Variants in PLCG2 observed in about 807,000 individuals in gnomAD.
PLCG2 encodes the protein 1-phosphatidylinositol 4,5-bisphosphate phosphodiesterase gamma-2.
A neutral mutation model predicts 175.6 loss-of-function variants in PLCG2; 69 were observed. That is an observed-to-expected ratio of 0.39 (90% confidence interval 0.32 to 0.48). The LOEUF is 0.48. Among genes scored for constraint, PLCG2 ranks in the 20% least tolerant of loss-of-function variants. The probability of loss-of-function intolerance (pLI) is 0.91; values close to 1 mark genes in which losing one functional copy is unlikely to be tolerated. For missense variants in PLCG2, 1,798 were observed against 1,650.9 expected, an observed-to-expected ratio of 1.09 and a Z score of -1.54; for synonymous variants, 827 against 624.0, an observed-to-expected ratio of 1.33 and a Z score of -4.85.
chr16:81,776,974 G>A (rs940024052), upstream of PLCG2, among the ~76,000 whole-genome samples: 1 of 152,114 alleles, frequency 6.6e-6, no homozygotes, highest in African/African-American at 2.4e-5. Context: ...GTTGGGCTAG[G>A]GGTTGGTTAG....
At chr16:81,851,232 T>C (rs1017116048) in intron 2 of PLCG2, among the ~76,000 whole-genome samples, 1 of 152,390 alleles carries the variant, frequency 6.6e-6, no homozygotes, top group East Asian at 1.9e-4. Context: ...GTACAGTTTC[T>C]GTGAACCATT....
intron 2 of PLCG2, among the ~76,000 whole-genome samples, chr16:81,764,274 G>A (rs1910098589): frequency 6.6e-6 from 1 of 152,102 alleles, no homozygotes; most frequent in Non-Finnish European, 1.5e-5. Context: ...TGCACCCTGG[G>A]GGACAGAGTG....
chr16:81,885,053 A>T (rs113751215), intron 9 of PLCG2, among the ~76,000 whole-genome samples: 3 of 139,234 alleles, frequency 2.2e-5, no homozygotes, highest in Non-Finnish European at 3.2e-5. Context: ...ATGCCTGACA[A>T]TTTTTTTTTT....
intron 2 of PLCG2, among the ~76,000 whole-genome samples, chr16:81,795,033 A>G (rs1179686085): frequency 6.6e-6 from 1 of 152,220 alleles, no homozygotes; most frequent in East Asian, 1.9e-4. Flanking sequence ...CAACCTTAGA[A>G]TGTTCTTAGA....
intron 19 of PLCG2, among the ~76,000 whole-genome samples, chr16:81,913,216 G>T (rs977826822): frequency 6.6e-6 from 1 of 152,178 alleles, no homozygotes; most frequent in African/African-American, 2.4e-5. Context: ...CTAATGACAA[G>T]GAGCCGAGGA....
chr16:81,776,375 C>G (rs899829142), upstream of PLCG2, among the ~76,000 whole-genome samples: 2 of 151,926 alleles, frequency 1.3e-5, no homozygotes, highest in Non-Finnish European at 2.9e-5. Flanking sequence ...TCCCAGGGTG[C>G]TGGGATTACA....
chr16:81,810,794 T>G (rs981172072), intron 2 of PLCG2, among the ~76,000 whole-genome samples: 5 of 152,200 alleles, frequency 3.3e-5, no homozygotes, highest in African/African-American at 1.2e-4. Context: ...TGAGTTCTGA[T>G]AGAAGGAGAC....
chr16:81,811,694 T>C (rs537086384), intron 2 of PLCG2, among the ~76,000 whole-genome samples: 5 of 152,202 alleles, frequency 3.3e-5, no homozygotes, highest in East Asian at 1.9e-4. Flanking sequence ...GCAAAGGACA[T>C]GAGCTCATCC....
At chr16:81,763,189 G>A (rs1357799216) in intron 2 of PLCG2, among the ~76,000 whole-genome samples, 1 of 152,260 alleles carries the variant, frequency 6.6e-6, no homozygotes, top group Admixed American at 6.5e-5. Flanking sequence ...CCAGATGGGA[G>A]AACCCAGCCT....
In PLCG2 at chr16:81,962,049, G is replaced by T; in HGVS notation, c.*4051G>T. On this transcript the variant is annotated 3_prime_UTR_variant, in exon 33 of 33. Transcript: ENST00000564138. ...TCACCGCTCCATGTGCGTCCCTCCC[G>T]AAGCTGCGCGCTCCGTCGAAGAGGA... The T allele has an allele frequency of 5.3e-6, 1 of 189,648 alleles. No homozygotes were observed. 11.7% of individuals were successfully genotyped at this position (189,648 alleles called of 1,614,324 possible).
Position 81,959,225 on chromosome 16 carries a change from A to T in PLCG2, c.*1227A>T. ...AACGATGGCTGTGGTGGGGAAGAAC[A>T]AACCAGCAGTAAGCCTGATGTTTGA... On this transcript the variant is annotated 3_prime_UTR_variant, in exon 33 of 33. Transcript: ENST00000564138. 4.4e-6 allele frequency: 1 copy of T among 225,714 alleles called. No individual in the cohort carries two copies. Among genetic ancestry groups the T allele is most frequent in the Non-Finnish European group, 8.8e-6 (1 of 113,348 alleles). The allele number at this position is 225,714 out of a possible 1,614,324, so 14.0% of individuals were successfully genotyped here. A position where few individuals can be genotyped will look rare whatever the true frequency, so the allele number is the denominator to read the frequency against.
At chr16:81,953,256 TG>T (rs1911438776) in intron 31 of PLCG2, among the ~76,000 whole-genome samples, 1 of 152,176 alleles carries the variant, frequency 6.6e-6, no homozygotes, top group Non-Finnish European at 1.5e-5. Flanking sequence ...AGGAGACTGG[TG>T]GAAAACCCAG....
chr16:81,962,613 T>A lies in PLCG2; in HGVS notation c.*4615T>A. ...GAATTAAGTGAATGAGTCACACAGA[T>A]GTTGGCTGTTGTTAATGTGAAAATT... On this transcript the variant is annotated 3_prime_UTR_variant, in exon 33 of 33. Coordinates refer to ENST00000564138, the MANE Select transcript of PLCG2 (RefSeq NM_002661.5). The A allele has an allele frequency of 4.5e-6, 1 of 223,178 alleles. No individual in the cohort carries two copies. Among genetic ancestry groups the A allele is most frequent in the East Asian group, 6.5e-5 (1 of 15,284 alleles). The allele number at this position is 223,178 out of a possible 1,614,324, so 13.8% of individuals were successfully genotyped here.
upstream of PLCG2, among the ~76,000 whole-genome samples, chr16:81,778,070 AC>A (rs371210803): frequency 1.6e-4 from 8 of 51,320 alleles, no homozygotes; most frequent in Non-Finnish European, 1.8e-4. Context: ...AAAACCAAAA[AC>A]ACACACACAC....
chr16:81,824,715 C>T (rs1204910008), intron 2 of PLCG2, among the ~76,000 whole-genome samples: 1 of 152,202 alleles, frequency 6.6e-6, no homozygotes, highest in Non-Finnish European at 1.5e-5. Context: ...TGACCTCTGG[C>T]CTTTTTGTCC....
intron 2 of PLCG2, among the ~76,000 whole-genome samples, chr16:81,757,373 G>C (rs1909951149): frequency 6.6e-6 from 1 of 152,106 alleles, no homozygotes; most frequent in Non-Finnish European, 1.5e-5. Flanking sequence ...TGACCAGCCT[G>C]GCCAAGATGG....
intron 2 of PLCG2, chr16:81,799,111 T>G (rs1911605922): frequency 6.6e-6 from 1 of 152,258 alleles, no homozygotes; most frequent in African/African-American, 2.4e-5. Flanking sequence ...CCTCTGGCCT[T>G]GCATATTTCT....
intron 24 of PLCG2, among the ~76,000 whole-genome samples, chr16:81,930,766 C>T (rs1449926146): frequency 7.5e-6 from 1 of 132,888 alleles, no homozygotes. Context: ...AAAAAAAAGC[C>T]ATTTAAATTA....
intron 31 of PLCG2, among the ~76,000 whole-genome samples, chr16:81,954,579 T>C (rs62046283): frequency 0.064 from 9,809 of 152,312 alleles, 431 homozygotes; most frequent in Non-Finnish European, 0.097. Context: ...AGTGAGAACA[T>C]ATGGTATTTG....
Sources: gnomAD v4.1 joint callset for allele counts (sites outside exome capture counted in the v4.1 genomes callset) on GRCh38, gnomAD v4.1.1 for gene constraint, MANE v1.5 for transcripts, NCBI Gene and HGNC (gene_info 2026-07-23, HGNC 2026-07-21) for gene names.